Variants in GVQW3 observed in about 807,000 individuals in gnomAD.
GVQW3 encodes GVQW motif containing 3.
Under a neutral mutation model 12.5 loss-of-function variants are expected in GVQW3, and 7 were observed. The observed-to-expected ratio is 0.56, with a 90% CI of 0.32 to 1.05. The LOEUF (loss-of-function observed/expected upper bound fraction) is 1.05, where lower values mean the gene tolerates loss of function less well. Ranked by LOEUF, GVQW3 falls within the 50% of genes least tolerant of loss-of-function variation. GVQW3 has a pLI of 0.04. For missense variants in GVQW3, 188 were observed against 190.8 expected, an observed-to-expected ratio of 0.99 and a Z score of 0.09; for synonymous variants, 71 against 67.2, an observed-to-expected ratio of 1.06 and a Z score of -0.28.
chr11:76,383,968 A>G (rs978711025), intron 1 of GVQW3, among the ~76,000 whole-genome samples: 5 of 152,200 alleles, frequency 3.3e-5, no homozygotes, highest in African/African-American at 1.2e-4. Flanking sequence ...GTAACAACCA[A>G]TTTGATATCT....
intron 1 of GVQW3, among the ~76,000 whole-genome samples, chr11:76,387,336 T>C (rs1443161123): frequency 1.3e-5 from 2 of 152,008 alleles, no homozygotes; most frequent in Non-Finnish European, 2.9e-5. Context: ...CCCGAGAGGC[T>C]GAGGCAGGAG....
intron 1 of GVQW3, among the ~76,000 whole-genome samples, chr11:76,403,026 C>G (rs1227183656): frequency 6.6e-6 from 1 of 152,132 alleles, no homozygotes; most frequent in Non-Finnish European, 1.5e-5. Context: ...CGGCTCATTG[C>G]AACCTCTACC....
At chr11:76,386,632 T>C (rs7123631) in intron 1 of GVQW3, among the ~76,000 whole-genome samples, 5,042 of 152,272 alleles carry the variant, frequency 0.033, 152 homozygotes, top group African/African-American at 0.077. Flanking sequence ...CTCGTTGGGA[T>C]TGGGTCTCAG....
intron 1 of GVQW3, among the ~76,000 whole-genome samples, chr11:76,384,288 C>A (rs1946809438): frequency 6.6e-6 from 1 of 152,216 alleles, no homozygotes; most frequent in Admixed American, 6.5e-5. Flanking sequence ...CTACTCACCT[C>A]CAAAAATTAC....
chr11:76,400,663 G>A (rs1014480720), intron 1 of GVQW3, among the ~76,000 whole-genome samples: 13 of 150,162 alleles, frequency 8.7e-5, no homozygotes, highest in Admixed American at 1.3e-4. Flanking sequence ...CAGGTGATCC[G>A]CCCACCTCAG....
chr11:76,408,305 T>A (rs2134570261), downstream of GVQW3, among the ~76,000 whole-genome samples: 1 of 152,242 alleles, frequency 6.6e-6, no homozygotes, highest in African/African-American at 2.4e-5. Context: ...TGAAGGTTAG[T>A]GAAAAGAGGT....
downstream of GVQW3, chr11:76,408,622 G>C (rs1264363005): frequency 6.6e-6 from 1 of 152,322 alleles, no homozygotes; most frequent in Non-Finnish European, 1.5e-5. Context: ...GGAAGGTGCT[G>C]GTGGGTAAAC....
intron 1 of GVQW3, among the ~76,000 whole-genome samples, chr11:76,390,982 A>G (rs748797071): frequency 1.3e-5 from 2 of 151,698 alleles, no homozygotes; most frequent in Non-Finnish European, 2.9e-5. Context: ...TGTGTATACG[A>G]GGCACACAGC....
At chr11:76,384,485 G>T (rs1375636292) in intron 1 of GVQW3, among the ~76,000 whole-genome samples, 1 of 152,110 alleles carries the variant, frequency 6.6e-6, no homozygotes, top group East Asian at 1.9e-4. Context: ...GCTACACCCG[G>T]CTATTTTTTG....
At chr11:76,410,744 C>A (rs567417724), downstream of GVQW3, 1 of 152,322 alleles carries the variant, frequency 6.6e-6, no homozygotes, top group African/African-American at 2.4e-5. Context: ...GAAATCACAC[C>A]TTTTGCTCAG....
chr11:76,382,005 T>C lies in GVQW3; in HGVS notation c.177T>C (p.Asp59=). Residue 59 remains aspartate, a synonymous_variant, in exon 1 of 2, where the codon GAT becomes GAC. Transcript: ENST00000529331. ...RFKEGREDVR[D]DARSGRPVTH... ...AAGAAGGACGGGAAGATGTTCGAGA[T>C]GATGCCCGAAGTGGGCGTCCAGTCA... 6.5e-7 allele frequency: 1 copy of C among 1,536,438 alleles called. No homozygotes were observed. The highest frequency in any genetic ancestry group is 1.2e-5 in the South Asian group (1 of 84,068).
At chr11:76,391,334 C>T (rs1452434143) in intron 1 of GVQW3, among the ~76,000 whole-genome samples, 1 of 152,192 alleles carries the variant, frequency 6.6e-6, no homozygotes, top group East Asian at 1.9e-4. Flanking sequence ...AGTGTCATTG[C>T]TATTTAAGCA....
chr11:76,385,292 A>T (rs1259013844), intron 1 of GVQW3, among the ~76,000 whole-genome samples: 1 of 152,204 alleles, frequency 6.6e-6, no homozygotes, highest in Non-Finnish European at 1.5e-5. Context: ...GGCATCTCCA[A>T]ATAGGAAAGT....
chr11:76,391,751 C>T (rs1312719249), intron 1 of GVQW3, among the ~76,000 whole-genome samples: 3 of 151,978 alleles, frequency 2.0e-5, no homozygotes, highest in Non-Finnish European at 4.4e-5. Flanking sequence ...GTAAGGAGTT[C>T]GAGACCAACC....
Position 76,403,655 on chromosome 11 carries a change from T to C in GVQW3, c.466-5T>C. The C allele has an allele frequency of 2.3e-6, 1 of 439,246 alleles. No homozygotes were observed. Among genetic ancestry groups the C allele is most frequent in the Non-Finnish European group, 4.0e-6 (1 of 248,476 alleles). The allele number at this position is 439,246 out of a possible 1,614,324, so 27.2% of individuals were successfully genotyped here. ...CAAATAATTTTTTATTTTTATTTTT[T>C]GTAGAGACGGAACCTCACTATGTTG... On this transcript the variant is annotated splice_region_variant and splice_polypyrimidine_tract_variant and intron_variant, in intron 1 of 1. Coordinates refer to ENST00000529331, the MANE Select transcript of GVQW3 (RefSeq NM_001347885.2).
At chr11:76,392,161 A>T (rs1946898725) in intron 1 of GVQW3, 1 of 152,264 alleles carries the variant, frequency 6.6e-6, no homozygotes, top group Admixed American at 6.5e-5. Context: ...GAGCTAAGGA[A>T]CAAACTTTTG....
intron 1 of GVQW3, chr11:76,395,065 G>A (rs191980277): frequency 6.6e-5 from 10 of 152,292 alleles, no homozygotes; most frequent in South Asian, 2.1e-4. Flanking sequence ...TAAACCTTGC[G>A]TGGAACTGCT....
chr11:76,406,676 TAAAAA>T lies in GVQW3; in HGVS notation c.*2920_*2924del, dbSNP rs1947041471. 6.6e-6 allele frequency: 1 copy of T among 152,192 alleles called. No homozygotes were observed. Among genetic ancestry groups the T allele is most frequent in the African/African-American group, 2.4e-5 (1 of 41,448 alleles). The allele number at this position is 152,192 out of a possible 1,614,324, so 9.4% of individuals were successfully genotyped here. A position where few individuals can be genotyped will look rare whatever the true frequency, so the allele number is the denominator to read the frequency against. ...GTCTGCTTTGCAGCCAATTTTCAAA[TAAAAA>T]AGAAATGTTTAAAGCAGTGGAAGCA... On this transcript the variant is annotated 3_prime_UTR_variant, in exon 2 of 2. Transcript: ENST00000529331.
chr11:76,382,356 G>A (rs1490937042), intron 1 of GVQW3, 63 bp downstream of exon 1: 1 of 1,060,426 alleles, frequency 9.4e-7, no homozygotes, highest in East Asian at 2.6e-5. Flanking sequence ...TGCCCCTGCC[G>A]GTATCCCATC....
Sources: allele counts gnomAD v4.1 joint callset (sites outside exome capture counted in the v4.1 genomes callset), GRCh38; gene constraint gnomAD v4.1.1; transcripts MANE v1.5; gene names NCBI Gene and HGNC (gene_info 2026-07-23, HGNC 2026-07-21).